The following PAX2 variants were observed in gnomAD, a reference collection of about 807,000 sequenced individuals.
The protein encoded by PAX2 is paired box 2, also known as paired box protein Pax-2.
In PAX2, 9 loss-of-function variants were observed where a neutral mutation model predicts 41.7. The ratio of observed to expected loss-of-function variants is 0.22; its 90% CI spans 0.13 to 0.38. PAX2 has a LOEUF of 0.38. PAX2 is among the 10% of genes least tolerant of loss of function. PAX2 has a pLI of 1.00. For missense variants in PAX2, 418 were observed against 531.6 expected (o/e 0.79, Z 2.10); for synonymous variants, 221 against 212.7 (o/e 1.04, Z -0.34).
intron 5 of PAX2, chr10:100,787,031 C>T (rs1181093849): frequency 7.4e-7 from 1 of 1,345,390 alleles, no homozygotes; most frequent in Non-Finnish European, 1.0e-6. Flanking sequence ...CCAGAGGGAA[C>T]ATGGCGTGGG....
intron 3 of PAX2, among the ~76,000 whole-genome samples, chr10:100,756,663 A>G (rs1589820194): frequency 6.6e-6 from 1 of 152,336 alleles, no homozygotes; most frequent in Middle Eastern, 3.4e-3. Context: ...TTTTCAACTT[A>G]TCGAGCCATT....
intron 7 of PAX2, among the ~76,000 whole-genome samples, chr10:100,818,970 G>A (rs933735250): frequency 2.6e-5 from 4 of 152,176 alleles, no homozygotes; most frequent in East Asian, 1.9e-4. Flanking sequence ...ATTAAAGGCC[G>A]GGCGTCGTGG....
In PAX2 at chr10:100,829,494, G is replaced by A. The variant is rs919636123; in HGVS notation, c.*1875G>A. ...GTTGCTCTTTCGGTAGTGGCGATGC[G>A]CCCTGCATGTCTCCTCACCCGTGGA... On this transcript the variant is annotated 3_prime_UTR_variant, in exon 10 of 10. Transcript: ENST00000355243. The A allele has an allele frequency of 4.8e-6, 1 of 208,124 alleles. No individual in the cohort carries two copies. 12.9% of individuals were successfully genotyped at this position (208,124 alleles called of 1,614,324 possible).
intron 7 of PAX2, among the ~76,000 whole-genome samples, chr10:100,822,705 C>T (rs1438556483): frequency 6.6e-6 from 1 of 152,056 alleles, no homozygotes; most frequent in Admixed American, 6.5e-5. Flanking sequence ...GATTTTAAGG[C>T]TTCAGTGGGG....
At chr10:100,814,493 T>C (rs1412263534) in intron 7 of PAX2, among the ~76,000 whole-genome samples, 3 of 150,982 alleles carry the variant, frequency 2.0e-5, no homozygotes, top group Non-Finnish European at 4.4e-5. Flanking sequence ...ATGAGGACCA[T>C]ACCTATAGAT....
At chr10:100,735,739 A>C in intron 1 of PAX2, 1 of 1,039,148 alleles carries the variant, frequency 9.6e-7, no homozygotes. Flanking sequence ...GGCAGGTAAG[A>C]GCGGCAGAGA....
chr10:100,748,918 A>G lies in PAX2; in HGVS notation c.44-828A>G. The G allele has an allele frequency of 7.1e-6, 7 of 985,280 alleles. No individual in the cohort carries two copies. Among genetic ancestry groups the G allele is most frequent in the Non-Finnish European group, 8.4e-6 (7 of 829,916 alleles). 61.0% of individuals were successfully genotyped at this position (985,280 alleles called of 1,614,324 possible). ...CACCTGGGCGAGACGGTGGGCCCCA[A>G]CCAGGCTCTGCGAGGCGCGGCAGGC... On this transcript the variant is annotated intron_variant, in intron 1 of 9. Coordinates refer to ENST00000355243, the MANE Select transcript of PAX2 (RefSeq NM_000278.5). The surrounding 1 kb of genome is among the most constrained non-coding windows in gnomAD (Gnocchi z 5.0).
chr10:100,748,181 G>C lies in PAX2; in HGVS notation c.44-1565G>C, dbSNP rs1483445552. ...GGCTGAGGGGCCGGGCCCTGAGCCC[G>C]GGGAGGCTGAATTATTCATCTTTAA... On this transcript the variant is annotated intron_variant, in intron 1 of 9. Coordinates refer to ENST00000355243, the MANE Select transcript of PAX2 (RefSeq NM_000278.5). This position sits in a 1 kb window ranked among gnomAD's most constrained non-coding sequence, Gnocchi z 5.0. 1 of 985,056 alleles carries C rather than the reference G, an allele frequency of 1.0e-6. No individual in the cohort carries two copies. Among genetic ancestry groups the C allele is most frequent in the African/African-American group, 1.7e-5 (1 of 57,190 alleles). 61.0% of individuals were successfully genotyped at this position (985,056 alleles called of 1,614,324 possible).
chr10:100,827,460 G>C lies in PAX2; in HGVS notation c.1109-83G>C. 7.1e-7 allele frequency: 1 copy of C among 1,399,032 alleles called. No homozygotes were observed. Among genetic ancestry groups the C allele is most frequent in the Non-Finnish European group, 1.0e-6 (1 of 985,022 alleles). The allele number at this position is 1,399,032 out of a possible 1,614,324, so 86.7% of individuals were successfully genotyped here. A position where few individuals can be genotyped will look rare whatever the true frequency, so the allele number is the denominator to read the frequency against. ...TCCCGCTGGACCCCAGCCAGGGGAG[G>C]TCTTTTCTGTGCTTTTCTTTCCTTT... On this transcript the variant is annotated intron_variant, in intron 9 of 9. Transcript: ENST00000355243. The surrounding 1 kb of genome is among the most constrained non-coding windows in gnomAD (Gnocchi z 8.5).
chr10:100,759,694 GGGA>G (rs1028039203), intron 3 of PAX2, among the ~76,000 whole-genome samples: 5 of 152,196 alleles, frequency 3.3e-5, no homozygotes, highest in Non-Finnish European at 7.3e-5. Flanking sequence ...GCAGCAGGCT[GGGA>G]GGAGAACTGT....
chr10:100,749,010 G>A, intron 1 of PAX2: 3 of 985,456 alleles, frequency 3.0e-6, no homozygotes, highest in Non-Finnish European at 3.6e-6. Flanking sequence ...CTGTCTCTGA[G>A]CGCAGCAGAC....
Position 100,809,226 on chromosome 10 carries a change from A to C in PAX2, c.909A>C (p.Pro303=), listed in dbSNP as rs1800898. The change falls in exon 7 of 10, where the codon CCA becomes CCC. Residue 303 remains proline, a synonymous_variant. Transcript: ENST00000355243. ...GSNVSGTQTY[P]VVTGRDMAST... is the part of the protein sequence containing the mutation. Reference sequence around the variant, plus strand: ...ACGTGTCAGGCACACAGACATACCCAGTTGTGACTGGTAAGGGGGCTTCCA... The same window carrying C: ...ACGTGTCAGGCACACAGACATACCCCGTTGTGACTGGTAAGGGGGCTTCCA... The C allele has an allele frequency of 0.3, 479,157 of 1,612,774 alleles. 81,623 individuals carry two copies. Among genetic ancestry groups the C allele is most frequent in the African/African-American group, 0.75 (56,276 of 74,934 alleles).
chr10:100,735,742 G>A (rs933208347), intron 1 of PAX2: 2 of 1,041,622 alleles, frequency 1.9e-6, no homozygotes, highest in Non-Finnish European at 2.3e-6. Context: ...AGGTAAGAGC[G>A]GCAGAGACCC....
chr10:100,824,525 C>T lies in PAX2; in HGVS notation c.920-123C>T. The T allele has an allele frequency of 2.6e-6, 2 of 780,608 alleles. No individual in the cohort carries two copies. Among genetic ancestry groups the T allele is most frequent in the South Asian group, 2.8e-5 (2 of 72,176 alleles). 48.4% of individuals were successfully genotyped at this position (780,608 alleles called of 1,614,324 possible). Reference sequence around the variant, plus strand: ...TTCAGGTGCACAGTGGCACACATACCCCTGCACGTCTGCACAGAGCTCTTT... The same window carrying T: ...TTCAGGTGCACAGTGGCACACATACTCCTGCACGTCTGCACAGAGCTCTTT... On this transcript the variant is annotated intron_variant, in intron 7 of 9. Transcript: ENST00000355243. The surrounding 1 kb of genome is among the most constrained non-coding windows in gnomAD (Gnocchi z 6.6).
upstream of PAX2, among the ~76,000 whole-genome samples, chr10:100,743,424 A>C (rs1224945892): frequency 8.3e-6 from 1 of 120,498 alleles, no homozygotes; most frequent in Non-Finnish European, 1.8e-5. Context: ...GTCTGTGTGG[A>C]AGGGGGGGGG....
chr10:100,800,273 C>CTT (rs59487758), intron 5 of PAX2, among the ~76,000 whole-genome samples: 68 of 108,374 alleles, frequency 6.3e-4, no homozygotes, highest in Middle Eastern at 5.8e-3. Context: ...TCTTTTCTTT[C>CTT]TTTTTTTTTT....
At chr10:100,815,893 G>A (rs1207784490) in intron 7 of PAX2, among the ~76,000 whole-genome samples, 1 of 152,204 alleles carries the variant, frequency 6.6e-6, no homozygotes, top group Admixed American at 6.5e-5. Context: ...AAGTACCCTG[G>A]CTGAGAATGG....
chr10:100,786,463 T>G (rs1001436250), intron 5 of PAX2, among the ~76,000 whole-genome samples: 5 of 152,272 alleles, frequency 3.3e-5, no homozygotes, highest in African/African-American at 1.2e-4. Context: ...AAATGTATGT[T>G]TGTTTTATAA....
At chr10:100,753,341 A>G (rs1191496226) in intron 3 of PAX2, among the ~76,000 whole-genome samples, 1 of 152,192 alleles carries the variant, frequency 6.6e-6, no homozygotes, top group African/African-American at 2.4e-5. Context: ...CCACGCTCTC[A>G]TCTTCATCCC....
Sources: gnomAD v4.1 joint callset for allele counts (sites outside exome capture counted in the v4.1 genomes callset) on GRCh38, gnomAD v4.1.1 for gene constraint, Gnocchi (gnomAD v3.1) non-coding constraint, MANE v1.5 for transcripts, NCBI Gene and HGNC (gene_info 2026-07-23, HGNC 2026-07-21) for gene names.